The following BMP5 variants were observed in gnomAD, a reference collection of about 807,000 sequenced individuals.
BMP5 encodes the protein bone morphogenetic protein 5.
Under a neutral mutation model 46.6 loss-of-function variants are expected in BMP5, and 23 were observed. The ratio of observed to expected loss-of-function variants is 0.49; its 90% CI spans 0.35 to 0.70. The LOEUF (loss-of-function observed/expected upper bound fraction) is 0.70, where lower values mean the gene tolerates loss of function less well. Ranked by LOEUF, BMP5 falls within the 30% of genes least tolerant of loss-of-function variation. The pLI is 0.00. For synonymous variants in BMP5, 204 were observed against 191.9 expected (o/e 1.06, Z -0.52); for missense variants, 545 against 565.6 (o/e 0.96, Z 0.37).
rs139973100 is a variant in BMP5, at chr6:55,762,002, T to A, written c.1028-1469A>T. On this transcript the variant is annotated intron_variant, in intron 4 of 6. Transcript: ENST00000370830. Reference sequence around the variant, plus strand: ...GTGATTTGAGGCAAGTGAAATACTATCATTACATATTTTGGAATGTAATCT... The same window carrying A: ...GTGATTTGAGGCAAGTGAAATACTAACATTACATATTTTGGAATGTAATCT... 8.9e-4 allele frequency among the ~76,000 whole-genome samples: 135 copies of A among 152,260 alleles called. 1 individual carries two copies. The East Asian group carries it at 0.023, about 25-fold the overall frequency.
intron 2 of BMP5, among the ~76,000 whole-genome samples, chr6:55,799,705 T>C (rs1453112166): frequency 2.0e-5 from 3 of 152,214 alleles, no homozygotes; most frequent in African/African-American, 7.2e-5. Flanking sequence ...TCAATTGTCC[T>C]ACAGCTCCCT....
At chr6:55,832,334 T>C (rs1164085427) in intron 1 of BMP5, among the ~76,000 whole-genome samples, 2 of 152,176 alleles carry the variant, frequency 1.3e-5, no homozygotes, top group African/African-American at 2.4e-5. Context: ...CCCCTCACCA[T>C]GTTTCAGTTG....
chr6:55,859,065 C>T (rs544239314), intron 1 of BMP5, among the ~76,000 whole-genome samples: 2 of 152,218 alleles, frequency 1.3e-5, no homozygotes, highest in Admixed American at 1.3e-4. Flanking sequence ...CACCATGGCA[C>T]ATGTATATCT....
chr6:55,778,450 T>C (rs1042407500), intron 3 of BMP5, among the ~76,000 whole-genome samples: 5 of 152,046 alleles, frequency 3.3e-5, no homozygotes, highest in Non-Finnish European at 7.4e-5. Context: ...TATCATATAA[T>C]ACTTGGATTA....
At chr6:55,764,400 C>T (rs1354290813) in intron 4 of BMP5, among the ~76,000 whole-genome samples, 1 of 151,880 alleles carries the variant, frequency 6.6e-6, no homozygotes, top group Non-Finnish European at 1.5e-5. Flanking sequence ...GGTGAAACCC[C>T]GTCTCTACTA....
At position 55,760,841 on chromosome 6, in the gene BMP5, C is replaced by G. The variant is rs187068887; in HGVS notation, c.1028-308G>C. ...TGTCGTTCATTGAGTACCATCTGCT[C>G]AATGAATACTTATTCATTAATTCAT... On this transcript the variant is annotated intron_variant, in intron 4 of 6. Coordinates refer to ENST00000370830, the MANE Select transcript of BMP5 (RefSeq NM_021073.4). Among the ~76,000 whole-genome samples the G allele has an allele frequency of 8.2e-4, 125 of 151,958 alleles. 1 individual carries two copies. Among genetic ancestry groups the G allele is most frequent in the Admixed American group, 8.1e-3 (123 of 15,222 alleles).
chr6:55,766,920 G>A (rs1774929382), intron 4 of BMP5, among the ~76,000 whole-genome samples: 1 of 151,882 alleles, frequency 6.6e-6, no homozygotes, highest in Non-Finnish European at 1.5e-5. Flanking sequence ...TCTCAGATAA[G>A]TCCCTCATGT....
intron 1 of BMP5, among the ~76,000 whole-genome samples, chr6:55,837,372 T>TAGAC (rs1229427199): frequency 2.1e-4 from 31 of 149,550 alleles, no homozygotes; most frequent in African/African-American, 5.1e-4. Flanking sequence ...GATAGATAGA[T>TAGAC]AGATAGACAG....
intron 5 of BMP5, among the ~76,000 whole-genome samples, chr6:55,759,908 T>C (rs1289847564): frequency 2.6e-5 from 4 of 151,966 alleles, no homozygotes; most frequent in Non-Finnish European, 4.4e-5. Flanking sequence ...TCCATTCTAA[T>C]AGAATATTAG....
At chr6:55,791,232 G>A (rs1207730032) in intron 3 of BMP5, among the ~76,000 whole-genome samples, 1 of 152,174 alleles carries the variant, frequency 6.6e-6, no homozygotes, top group Non-Finnish European at 1.5e-5. Flanking sequence ...ATAAGGAAAT[G>A]TCACATGTAT....
chr6:55,794,927 C>T (rs775257860), intron 2 of BMP5, among the ~76,000 whole-genome samples: 4 of 151,716 alleles, frequency 2.6e-5, no homozygotes, highest in Non-Finnish European at 5.9e-5. Flanking sequence ...TTATGGATAC[C>T]AAACACCAAG....
rs774170565 is a variant in BMP5, at chr6:55,849,551, T to C, written c.490+24825A>G. On this transcript the variant is annotated intron_variant, in intron 1 of 6. Coordinates refer to ENST00000370830, the MANE Select transcript of BMP5 (RefSeq NM_021073.4). ...GGCCCTGTGGAAGGACACTGTCTTA[T>C]TTAAGGAAGAGCAAAAGGAGCAAAC... 8.7e-4 allele frequency among the ~76,000 whole-genome samples: 133 copies of C among 152,106 alleles called. 1 individual carries two copies. The highest frequency in any genetic ancestry group is 9.8e-4 in the Admixed American group (15 of 15,248).
intron 3 of BMP5, among the ~76,000 whole-genome samples, chr6:55,774,566 A>C (rs1775125595): frequency 6.6e-6 from 1 of 152,122 alleles, no homozygotes; most frequent in South Asian, 2.1e-4. Context: ...GTCCACATTA[A>C]ATAACAATTT....
intron 4 of BMP5, among the ~76,000 whole-genome samples, chr6:55,771,871 G>C (rs897378288): frequency 6.6e-6 from 1 of 151,682 alleles, no homozygotes; most frequent in Non-Finnish European, 1.5e-5. Context: ...TTACAACTTT[G>C]TTATTTATAT....
intron 2 of BMP5, among the ~76,000 whole-genome samples, chr6:55,814,715 C>T (rs1582087401): frequency 6.6e-6 from 1 of 152,098 alleles, no homozygotes; most frequent in South Asian, 2.1e-4. Flanking sequence ...GGTAATAACA[C>T]GGCACAGAAT....
intron 1 of BMP5, among the ~76,000 whole-genome samples, chr6:55,828,360 G>T (rs995939577): frequency 6.6e-6 from 1 of 151,784 alleles, no homozygotes; most frequent in African/African-American, 2.4e-5. Flanking sequence ...ACACTAAAAG[G>T]TCAGAAGTCA....
In BMP5 at chr6:55,759,124, T is replaced by TACAC. The variant is rs749127959; in HGVS notation, c.1105-13_1105-10dup. 0.024 allele frequency: 10,334 copies of TACAC among 436,834 alleles called. 561 individuals carry two copies. The highest frequency in any genetic ancestry group is 0.039 in the East Asian group (747 of 19,370). The allele number at this position is 436,834 out of a possible 1,614,324, so 27.1% of individuals were successfully genotyped here. A position where few individuals can be genotyped will look rare whatever the true frequency, so the allele number is the denominator to read the frequency against. On this transcript the variant is annotated splice_polypyrimidine_tract_variant and intron_variant, in intron 5 of 6. Transcript: ENST00000370830. Reference sequence around the variant, plus strand: ...GGTGCTATAATCCAGTCCTGACACATACACACACACACACACACACAAAAA... The same window carrying TACAC: ...GGTGCTATAATCCAGTCCTGACACATACACACACACACACACACACACACAAAAA...
intron 2 of BMP5, among the ~76,000 whole-genome samples, chr6:55,812,712 G>A (rs978229685): frequency 6.6e-6 from 1 of 152,274 alleles, no homozygotes; most frequent in South Asian, 2.1e-4. Flanking sequence ...GTTTTGAGAG[G>A]TGACTCTGCT....
intron 2 of BMP5, among the ~76,000 whole-genome samples, chr6:55,819,270 T>C (rs1457746874): frequency 4.6e-5 from 7 of 152,142 alleles, no homozygotes; most frequent in South Asian, 2.1e-4. Flanking sequence ...CAGTGAAAAG[T>C]AAAGCAGTGC....
Sources: gnomAD v4.1 joint callset for allele counts (sites outside exome capture counted in the v4.1 genomes callset) on GRCh38, gnomAD v4.1.1 for gene constraint, MANE v1.5 for transcripts, NCBI Gene and HGNC (gene_info 2026-07-23, HGNC 2026-07-21) for gene names.